Variants in KIF26B observed in about 807,000 individuals in gnomAD.
The protein encoded by KIF26B is kinesin family member 26B.
KIF26B carries 63 observed loss-of-function variants against 151.2 expected under a neutral mutation model. That is an observed-to-expected ratio of 0.42 (90% CI 0.34 to 0.51). KIF26B has a LOEUF of 0.51. Ranked by LOEUF, KIF26B falls within the 20% of genes least tolerant of loss-of-function variation. The pLI is 0.07. For missense variants in KIF26B, 2,813 were observed against 2,913.6 expected, an observed-to-expected ratio of 0.97 and a Z score of 0.79; for synonymous variants, 1,357 against 1,262.1, an observed-to-expected ratio of 1.08 and a Z score of -1.59.
At chr1:245,334,467 G>C (rs1028672676) in intron 2 of KIF26B, among the ~76,000 whole-genome samples, 1 of 152,182 alleles carries the variant, frequency 6.6e-6, no homozygotes, top group Non-Finnish European at 1.5e-5. Context: ...TCTGCAAAGA[G>C]TGAAATTCCG....
intron 14 of KIF26B, among the ~76,000 whole-genome samples, chr1:245,700,911 C>G (rs2044762102): frequency 6.6e-6 from 1 of 152,252 alleles, no homozygotes; most frequent in Admixed American, 6.5e-5. Flanking sequence ...TTCAAGATCC[C>G]AGGGGCCTCC....
chr1:245,314,308 C>T (rs991870083), intron 2 of KIF26B, among the ~76,000 whole-genome samples: 11 of 152,048 alleles, frequency 7.2e-5, no homozygotes, highest in African/African-American at 2.7e-4. Context: ...AAAAATTAGC[C>T]AGGCGTGGTG....
In KIF26B at chr1:245,611,901, G is replaced by A. The variant is rs752143373; in HGVS notation, c.2023G>A (p.Asp675Asn). The change falls in exon 9 of 15, where the codon GAC (aspartate) becomes AAC (asparagine). Residue 675 changes from aspartate (D) to asparagine (N), a missense_variant. Physicochemically the swap from Asp to Asn is conservative, Grantham distance 23 (BLOSUM62 1). Transcript: ENST00000407071. ...CCACCAACAGGACTGTGATGAGGAC[G>A]ACCACCGCAACTCACACGTGTTCTT... ...RSHQQDCDED[D>N]HRNSHVFFTL... The A allele has an allele frequency of 7.4e-6, 12 of 1,613,638 alleles. No individual in the cohort carries two copies. The highest frequency in any genetic ancestry group is 2.2e-5 in the South Asian group (2 of 91,068).
At chr1:245,570,555 C>A (rs1043262008) in intron 5 of KIF26B, among the ~76,000 whole-genome samples, 1 of 152,214 alleles carries the variant, frequency 6.6e-6, no homozygotes, top group Admixed American at 6.5e-5. Flanking sequence ...CATGTCTGTT[C>A]CCTTCGTTTG....
chr1:245,672,210 C>T (rs1297611166), intron 10 of KIF26B, among the ~76,000 whole-genome samples: 3 of 152,114 alleles, frequency 2.0e-5, no homozygotes, highest in Non-Finnish European at 2.9e-5. Context: ...TTCACCAGGC[C>T]TCCTGGAACC....
intron 2 of KIF26B, among the ~76,000 whole-genome samples, chr1:245,320,968 G>C (rs566564272): frequency 1.3e-5 from 2 of 152,202 alleles, no homozygotes; most frequent in Non-Finnish European, 2.9e-5. Flanking sequence ...GTAAGCCACC[G>C]TACCTGGCCT....
chr1:245,186,063 C>T (rs868523876), intron 2 of KIF26B, among the ~76,000 whole-genome samples: 1 of 151,856 alleles, frequency 6.6e-6, no homozygotes, highest in African/African-American at 2.4e-5. Context: ...TTAGTAGAGA[C>T]GGGGTTTCAC....
At chr1:245,410,761 A>T (rs543156111) in intron 3 of KIF26B, among the ~76,000 whole-genome samples, 2 of 152,130 alleles carry the variant, frequency 1.3e-5, no homozygotes, top group African/African-American at 4.8e-5. Context: ...TTGTGGTAAA[A>T]TATATATAAC....
chr1:245,521,613 C>T (rs2103090691), intron 4 of KIF26B, among the ~76,000 whole-genome samples: 1 of 152,258 alleles, frequency 6.6e-6, no homozygotes, highest in East Asian at 1.9e-4. Context: ...CAGGCTGACC[C>T]TGTTGGGAAG....
intron 2 of KIF26B, among the ~76,000 whole-genome samples, chr1:245,345,161 A>G (rs1196138420): frequency 6.6e-6 from 1 of 152,132 alleles, no homozygotes; most frequent in African/African-American, 2.4e-5. Flanking sequence ...GGCGCAAGTG[A>G]GGAGATGCTC....
At chr1:245,258,020 TA>T (rs5782331) in intron 2 of KIF26B, among the ~76,000 whole-genome samples, 3,388 of 146,048 alleles carry the variant, frequency 0.023, 98 homozygotes, top group African/African-American at 0.067. Flanking sequence ...GACTCTGTCT[TA>T]AAAAAAAAAA....
chr1:245,249,568 A>G (rs1001342151), intron 2 of KIF26B, among the ~76,000 whole-genome samples: 8 of 141,810 alleles, frequency 5.6e-5, no homozygotes, highest in African/African-American at 1.6e-4. Flanking sequence ...GCTCACTGCA[A>G]CCTCCACTTC....
chr1:245,367,109 T>C lies in KIF26B; in HGVS notation c.741T>C (p.Phe247=). The change falls in exon 3 of 15, where the codon TTT becomes TTC. Residue 247 remains phenylalanine (F), a synonymous_variant. Coordinates refer to ENST00000407071, the MANE Select transcript of KIF26B (RefSeq NM_018012.4). The surrounding 1 kb of genome is among the most constrained non-coding windows in gnomAD (Gnocchi z 4.2). ...TCCAGCAGCCCAGAGACTGGGCCTT[T>C]GTGCCCGCCCCCTGTGCCACCTCCA... The part of the protein sequence containing the change: ...GGLQQPRDWA[F]VPAPCATSNY... 1 of 1,595,566 alleles carries C rather than the reference T, an allele frequency of 6.3e-7. No individual in the cohort carries two copies. Among genetic ancestry groups the C allele is most frequent in the Admixed American group, 1.7e-5 (1 of 57,246 alleles).
At chr1:245,409,424 C>T (rs1382753807) in intron 3 of KIF26B, among the ~76,000 whole-genome samples, 2 of 152,120 alleles carry the variant, frequency 1.3e-5, no homozygotes, top group Non-Finnish European at 2.9e-5. Context: ...GATCTGAGCC[C>T]CGATAATGGG....
In KIF26B at chr1:245,166,554, A is replaced by C. The variant is rs979837873; in HGVS notation, c.465+9871A>C. Among the ~76,000 whole-genome samples, 5 of 152,154 alleles carry C rather than the reference A, an allele frequency of 3.3e-5. No homozygotes were observed. The highest frequency in any genetic ancestry group is 1.2e-4 in the African/African-American group (5 of 41,422). On this transcript the variant is annotated intron_variant, in intron 2 of 14. Coordinates refer to ENST00000407071, the MANE Select transcript of KIF26B (RefSeq NM_018012.4). This position sits in a 1 kb window ranked among gnomAD's most constrained non-coding sequence, Gnocchi z 4.5. ...CTTCTTTAAGCCCGGCCCCTCTCGT[A>C]GCCCCTCCAGGGAGACTTGCAGATG...
intron 2 of KIF26B, among the ~76,000 whole-genome samples, chr1:245,176,897 T>C (rs905635105): frequency 1.3e-5 from 2 of 152,246 alleles, no homozygotes; most frequent in Non-Finnish European, 2.9e-5. Flanking sequence ...GGCCAGCTCT[T>C]TGCCATAAAA....
intron 2 of KIF26B, among the ~76,000 whole-genome samples, chr1:245,259,865 G>A (rs1047978705): frequency 4.6e-5 from 7 of 150,774 alleles, no homozygotes; most frequent in Middle Eastern, 3.4e-3. Context: ...GGCCCAGGAG[G>A]TCAAGGCTGC....
intron 2 of KIF26B, among the ~76,000 whole-genome samples, chr1:245,226,789 G>A (rs1410140785): frequency 6.6e-6 from 1 of 152,174 alleles, no homozygotes; most frequent in Non-Finnish European, 1.5e-5. Flanking sequence ...GTTTGGGAAC[G>A]AAAAGGGTAT....
intron 2 of KIF26B, among the ~76,000 whole-genome samples, chr1:245,204,343 A>G (rs1328900064): frequency 1.3e-5 from 2 of 151,946 alleles, no homozygotes; most frequent in East Asian, 1.9e-4. Flanking sequence ...ATTTCAAACT[A>G]TAATGAAATG....
Sources: gnomAD v4.1 joint callset for allele counts (sites outside exome capture counted in the v4.1 genomes callset) on GRCh38, gnomAD v4.1.1 for gene constraint, Gnocchi (gnomAD v3.1) non-coding constraint, MANE v1.5 for transcripts, NCBI Gene and HGNC (gene_info 2026-07-23, HGNC 2026-07-21) for gene names.